NPY1R: variants seen among roughly 807,000 people sequenced by gnomAD.
The protein encoded by NPY1R is neuropeptide Y receptor Y1.
Under a neutral mutation model 24.1 loss-of-function variants are expected in NPY1R, and 10 were observed. The observed-to-expected ratio is 0.42, with a 90% CI of 0.26 to 0.71. The LOEUF is 0.71. Among genes scored for constraint, NPY1R ranks in the 30% least tolerant of loss-of-function variants. The pLI, the probability that NPY1R is intolerant of heterozygous loss-of-function variation, is 0.28. For missense variants in NPY1R, 350 were observed against 458.0 expected (o/e 0.76, Z 2.15); for synonymous variants, 168 against 165.9 (o/e 1.01, Z -0.10).
At chr4:163,342,892 C>T (rs914998256) in intron 1 of NPY1R, among the ~76,000 whole-genome samples, 1 of 152,044 alleles carries the variant, frequency 6.6e-6, no homozygotes, top group Non-Finnish European at 1.5e-5. Flanking sequence ...CACCCTTTCT[C>T]ATGGTAAAGC....
Position 163,325,928 on chromosome 4 carries a change from C to T in NPY1R, c.627G>A (p.Leu209=), listed in dbSNP as rs770054149. The T allele has an allele frequency of 1.2e-6, 2 of 1,614,026 alleles. No individual in the cohort carries two copies. The highest frequency in any genetic ancestry group is 1.7e-5 in the Admixed American group (1 of 60,006). ...GCACCAAGAGGAGAGTGGTATAAGA[C>T]AACCTATGAGAGTCCGATGGAAATT... ...FDQFPSDSHR[L]SYTTLLLVLQ... Residue 209 remains leucine (L), a synonymous_variant, in exon 2 of 3, where the codon TTG becomes TTA. Transcript: ENST00000296533.
chr4:163,342,122 A>G (rs934117099), intron 1 of NPY1R, among the ~76,000 whole-genome samples: 13 of 152,342 alleles, frequency 8.5e-5, no homozygotes, highest in Admixed American at 8.5e-4. Context: ...TCTTTGTATC[A>G]GTGGCAGGTA....
At chr4:163,342,663 A>C (rs1735019834) in intron 1 of NPY1R, among the ~76,000 whole-genome samples, 1 of 152,156 alleles carries the variant, frequency 6.6e-6, no homozygotes, top group African/African-American at 2.4e-5. Flanking sequence ...ATCTATACAG[A>C]TCCCCTGAGT....
At chr4:163,337,007 A>G (rs1338769952), upstream of NPY1R, among the ~76,000 whole-genome samples, 2 of 151,740 alleles carry the variant, frequency 1.3e-5, no homozygotes, top group African/African-American at 2.4e-5. Context: ...TTTTTTGTAC[A>G]CCTACATAAT....
rs761308479 is a variant in NPY1R, at chr4:163,326,492, C to T, written c.63G>A (p.Lys21=). 6.2e-7 allele frequency: 1 copy of T among 1,612,958 alleles called. No individual in the cohort carries two copies. Among genetic ancestry groups the T allele is most frequent in the South Asian group, 1.1e-5 (1 of 90,748 alleles). The change falls in exon 2 of 3, where the codon AAG becomes AAA. Residue 21 remains lysine, a synonymous_variant. Transcript: ENST00000296533. ...TTTCAAAAGCCAGAAGCTGGGCATT[C>T]TTCTCTGAGAAATTAGAGTGGACTG... is the stretch of plus-strand genomic sequence containing the variant. ...NHSVHSNFSE[K]NAQLLAFEND... is the part of the protein sequence containing the mutation.
upstream of NPY1R, among the ~76,000 whole-genome samples, chr4:163,333,329 T>C (rs572176142): frequency 6.6e-6 from 1 of 152,098 alleles, no homozygotes; most frequent in African/African-American, 2.4e-5. Flanking sequence ...AAGAAAAAAA[T>C]AGAATGTACA....
chr4:163,337,757 A>G (rs552020873), upstream of NPY1R, among the ~76,000 whole-genome samples: 4 of 152,368 alleles, frequency 2.6e-5, no homozygotes, highest in East Asian at 7.7e-4. Flanking sequence ...TTAGGACTAA[A>G]ATAAAGACCA....
At chr4:163,332,411 C>G (rs932025254) in intron 1 of NPY1R, 71 bp downstream of exon 1, 1 of 152,284 alleles carries the variant, frequency 6.6e-6, no homozygotes, top group Admixed American at 6.5e-5. Context: ...TTTTTCTTCC[C>G]CTCTCATCCT....
upstream of NPY1R, among the ~76,000 whole-genome samples, chr4:163,334,876 A>AG (rs1560859272): frequency 1.3e-5 from 2 of 151,436 alleles, no homozygotes; most frequent in African/African-American, 2.4e-5. Context: ...AAAAAAAAAA[A>AG]AAAAAAGAAA....
Position 163,325,392 on chromosome 4 carries a change from G to A in NPY1R, c.1066C>T (p.His356Tyr). Residue 356 changes from histidine (H) to tyrosine (Y), a missense_variant, in exon 3 of 3, where the codon CAC becomes TAC. Transcript: ENST00000296533. ...DYETIAMSTM[H>Y]TDVSKTSLKQ... ...AAAGAAGTTTTGGAAACATCTGTGT[G>A]CATCGTGGACATGGCTATTGTTTCA... 1 of 1,614,074 alleles carries A rather than the reference G, an allele frequency of 6.2e-7. No individual in the cohort carries two copies. The highest frequency in any genetic ancestry group is 1.1e-5 in the South Asian group (1 of 91,084).
chr4:163,337,795 A>C (rs914087042), upstream of NPY1R, among the ~76,000 whole-genome samples: 10 of 152,222 alleles, frequency 6.6e-5, no homozygotes, highest in Non-Finnish European at 1.5e-4. Flanking sequence ...TCTTTCTCAT[A>C]GTAACTCCCT....
At chr4:163,340,847 T>C (rs948761735) in intron 1 of NPY1R, among the ~76,000 whole-genome samples, 2 of 152,112 alleles carry the variant, frequency 1.3e-5, no homozygotes, top group African/African-American at 4.8e-5. Context: ...ATTTTTAACA[T>C]GAGTATTTGC....
In NPY1R at chr4:163,326,342, C is replaced by G; in HGVS notation, c.213G>C (p.Met71Ile). 1.9e-6 allele frequency: 3 copies of G among 1,614,042 alleles called. No homozygotes were observed. The highest frequency in any genetic ancestry group is 2.5e-6 in the Non-Finnish European group (3 of 1,179,936). ...LIIIILKQKE[M>I]RNVTNILIVN... Reference sequence around the variant, plus strand: ...CAATCAGGATGTTGGTAACATTTCTCATCTCCTTTTGTTTCAAGATGATTA... The same window carrying G: ...CAATCAGGATGTTGGTAACATTTCTGATCTCCTTTTGTTTCAAGATGATTA... The change falls in exon 2 of 3, where the codon ATG becomes ATC. Residue 71 changes from methionine (M) to isoleucine (I), a missense_variant. Met to Ile is a conservative substitution (Grantham distance 10). Transcript: ENST00000296533.
rs535866385 is a variant in NPY1R at position 163,342,592 on chromosome 4, A to C, written c.-152+1713T>G. Among the ~76,000 whole-genome samples, 8 of 152,298 alleles carry C rather than the reference A, an allele frequency of 5.3e-5. No homozygotes were observed. In the South Asian group the frequency reaches 1.7e-3, roughly 32 times the overall value. Reference sequence around the variant, plus strand: ...ATAACACACAGAAGAATAAAACAGGAACTGTGTTTACTTGAGTTCTTTAAA... The same window carrying C: ...ATAACACACAGAAGAATAAAACAGGCACTGTGTTTACTTGAGTTCTTTAAA... On this transcript the variant is annotated intron_variant, in intron 1 of 1. Coordinates refer to the NPY1R transcript ENST00000511901.
chr4:163,328,922 C>T (rs1734667661), intron 1 of NPY1R, among the ~76,000 whole-genome samples: 1 of 152,128 alleles, frequency 6.6e-6, no homozygotes, highest in South Asian at 2.1e-4. Context: ...AAGTATTAGA[C>T]TTAGAATAAA....
At chr4:163,344,277 G>C (rs937032310) in intron 1 of NPY1R, 2 of 152,360 alleles carry the variant, frequency 1.3e-5, no homozygotes, top group South Asian at 2.1e-4. Flanking sequence ...CTTTCGTGCC[G>C]AGCAGGTCCC....
upstream of NPY1R, among the ~76,000 whole-genome samples, chr4:163,335,230 A>G (rs529313408): frequency 1.2e-3 from 184 of 152,286 alleles, no homozygotes; most frequent in Middle Eastern, 0.02. Flanking sequence ...CTGTAGTTTC[A>G]TAACAGCCTG....
rs1317199843 is a variant in NPY1R, at chr4:163,325,680, T to G, written c.778A>C (p.Arg260=). ...ATGGAGAGCAGCATGATATTGATTCTTTTGGTTTCACTGGACCTGTACTTA... is the reference window on the plus strand; with the variant it reads ...ATGGAGAGCAGCATGATATTGATTCGTTTGGTTTCACTGGACCTGTACTTA... ...DNKYRSSETK[R]INIMLLSIVV... Residue 260 remains arginine (R), a synonymous_variant, in exon 3 of 3, where the codon AGA becomes CGA. Coordinates refer to ENST00000296533, the MANE Select transcript of NPY1R (RefSeq NM_000909.6). The G allele has an allele frequency of 6.2e-7, 1 of 1,605,086 alleles. No individual in the cohort carries two copies. Among genetic ancestry groups the G allele is most frequent in the Non-Finnish European group, 8.5e-7 (1 of 1,179,272 alleles).
rs142715363 is a variant in NPY1R, at chr4:163,342,981, GACACACACAC to G, written c.-152+1314_-152+1323del. On this transcript the variant is annotated intron_variant, in intron 1 of 1. Coordinates refer to the NPY1R transcript ENST00000511901. ...CTTCTCTCTCTCTCTCTCTCTCACA[GACACACACAC>G]ACACACACACACACACACACACACA... is the stretch of plus-strand genomic sequence containing the variant. Among the ~76,000 whole-genome samples the G allele has an allele frequency of 8.6e-3, 1,201 of 139,084 alleles. 9 individuals are homozygous for G. Among genetic ancestry groups the G allele is most frequent in the African/African-American group, 0.023 (835 of 35,638 alleles). 91.2% of individuals were successfully genotyped at this position (139,084 alleles called of 152,430 possible).
Sources: allele counts gnomAD v4.1 joint callset (sites outside exome capture counted in the v4.1 genomes callset), GRCh38; gene constraint gnomAD v4.1.1; transcripts MANE v1.5; gene names NCBI Gene and HGNC (gene_info 2026-07-23, HGNC 2026-07-21).